Variants in THSD7B observed in about 807,000 individuals in gnomAD.
THSD7B encodes thrombospondin type-1 domain-containing protein 7B.
In THSD7B, 138 loss-of-function variants were observed where a neutral mutation model predicts 213.6. The observed-to-expected ratio is 0.65, with a 90% CI of 0.56 to 0.74. The LOEUF (loss-of-function observed/expected upper bound fraction) is 0.74, where lower values mean the gene tolerates loss of function less well. Ranked by LOEUF, THSD7B falls within the 30% of genes least tolerant of loss-of-function variation. The pLI, the probability that THSD7B is intolerant of heterozygous loss-of-function variation, is 0.00. For synonymous variants in THSD7B, 742 were observed against 687.0 expected (o/e 1.08, Z -1.25); for missense variants, 1,931 against 1,991.5 (o/e 0.97, Z 0.58).
intron 12 of THSD7B, among the ~76,000 whole-genome samples, chr2:137,300,748 G>T (rs1448459533): frequency 6.6e-6 from 1 of 152,136 alleles, no homozygotes; most frequent in Non-Finnish European, 1.5e-5. Context: ...ATTTATACTT[G>T]TGCTCATGAA....
chr2:136,993,976 AGT>A (rs1398537499), intron 2 of THSD7B, among the ~76,000 whole-genome samples: 2 of 152,176 alleles, frequency 1.3e-5, no homozygotes, highest in African/African-American at 2.4e-5. Context: ...CAATGAGCTA[AGT>A]GTATTTTCTG....
At position 137,236,573 on chromosome 2, in the gene THSD7B, C is replaced by A. The variant is rs141606229; in HGVS notation, c.2150+3440C>A. Among the ~76,000 whole-genome samples, 35 of 152,226 alleles carry A rather than the reference C, an allele frequency of 2.3e-4. No homozygotes were observed. The East Asian group carries it at 6.2e-3, about 27-fold the overall frequency. ...AAGATTGAAAACACATAACTCAAAG[C>A]CTTTCAAAGTTCCTGATAAGGTACT... On this transcript the variant is annotated intron_variant, in intron 9 of 27. Transcript: ENST00000409968.
At position 136,985,169 on chromosome 2, in the gene THSD7B, A is replaced by G. The variant is rs373670128; in HGVS notation, c.140-71251A>G. ...GGGCCTGTGGTAGGGAAGGAATCCA[A>G]GCAGCCTATGGAGCAACTACTTGCT... On this transcript the variant is annotated intron_variant, in intron 2 of 27. Coordinates refer to ENST00000409968, the MANE Select transcript of THSD7B (RefSeq NM_001316349.2). Among the ~76,000 whole-genome samples, 17 of 152,314 alleles carry G rather than the reference A, an allele frequency of 1.1e-4. 1 individual carries two copies. In the East Asian group the frequency reaches 3.1e-3, roughly 28 times the overall value.
chr2:136,905,251 C>A (rs1684139582), intron 2 of THSD7B, among the ~76,000 whole-genome samples: 1 of 152,152 alleles, frequency 6.6e-6, no homozygotes, highest in South Asian at 2.1e-4. Flanking sequence ...AGTTGGCTGT[C>A]AGGCATTTAT....
intron 20 of THSD7B, among the ~76,000 whole-genome samples, chr2:137,639,893 G>T (rs1057230135): frequency 6.6e-6 from 1 of 152,166 alleles, no homozygotes; most frequent in African/African-American, 2.4e-5. Context: ...GAAGTAACTA[G>T]CTTGCTTTTG....
chr2:137,645,827 C>T (rs1683019828), intron 21 of THSD7B, among the ~76,000 whole-genome samples: 1 of 152,092 alleles, frequency 6.6e-6, no homozygotes, highest in African/African-American at 2.4e-5. Flanking sequence ...AAAACATACA[C>T]CTAGACAATT....
intron 12 of THSD7B, among the ~76,000 whole-genome samples, chr2:137,320,357 C>G (rs1347264900): frequency 1.3e-5 from 2 of 152,150 alleles, no homozygotes; most frequent in African/African-American, 4.8e-5. Flanking sequence ...TCATACTTAT[C>G]CAGAAAAACA....
intron 2 of THSD7B, among the ~76,000 whole-genome samples, chr2:136,981,816 G>A (rs1008336678): frequency 1.3e-5 from 2 of 152,134 alleles, no homozygotes; most frequent in East Asian, 1.9e-4. Flanking sequence ...GCAGCATCTC[G>A]TAGTCTTTGG....
intron 12 of THSD7B, among the ~76,000 whole-genome samples, chr2:137,355,830 C>T (rs1573979598): frequency 6.6e-6 from 1 of 152,302 alleles, no homozygotes; most frequent in East Asian, 1.9e-4. Flanking sequence ...CAGAAGCCAA[C>T]TGTAGAGTGT....
At chr2:136,852,959 T>C (rs1010795767) in intron 1 of THSD7B, among the ~76,000 whole-genome samples, 1 of 152,168 alleles carries the variant, frequency 6.6e-6, no homozygotes, top group African/African-American at 2.4e-5. Flanking sequence ...TACTTCTGCC[T>C]TCCTATCACT....
chr2:137,382,365 G>A (rs911897740), intron 12 of THSD7B, among the ~76,000 whole-genome samples: 2 of 152,216 alleles, frequency 1.3e-5, no homozygotes, highest in Admixed American at 6.5e-5. Context: ...TATTCAGTAG[G>A]CAGAAGCCCT....
chr2:137,527,529 T>C (rs139358047), intron 15 of THSD7B, among the ~76,000 whole-genome samples: 1 of 152,222 alleles, frequency 6.6e-6, no homozygotes, highest in Non-Finnish European at 1.5e-5. Flanking sequence ...CTAGCATTGC[T>C]CCCTCCATTT....
At chr2:137,666,081 A>ATAGT (rs1020851337) in intron 26 of THSD7B, among the ~76,000 whole-genome samples, 1 of 152,096 alleles carries the variant, frequency 6.6e-6, no homozygotes, top group Non-Finnish European at 1.5e-5. Flanking sequence ...ATCTTTTTTA[A>ATAGT]TAGTTAGAAG....
At chr2:137,181,733 G>T (rs34279589) in intron 7 of THSD7B, among the ~76,000 whole-genome samples, 1 of 151,972 alleles carries the variant, frequency 6.6e-6, no homozygotes, top group Non-Finnish European at 1.5e-5. Context: ...TAGCATCTCT[G>T]GCACTCCCCC....
chr2:136,816,406 G>A (rs1312415048), intron 1 of THSD7B, among the ~76,000 whole-genome samples: 1 of 152,132 alleles, frequency 6.6e-6, no homozygotes, highest in Non-Finnish European at 1.5e-5. Context: ...CCTGCTTTAA[G>A]AGTATATTGT....
chr2:136,991,301 G>A (rs1417418919), intron 2 of THSD7B, among the ~76,000 whole-genome samples: 1 of 152,052 alleles, frequency 6.6e-6, no homozygotes, highest in Non-Finnish European at 1.5e-5. Flanking sequence ...CTATTGTGGA[G>A]GGAGGTAAAA....
intron 3 of THSD7B, among the ~76,000 whole-genome samples, chr2:137,084,573 C>T (rs1422246759): frequency 6.6e-6 from 1 of 152,166 alleles, no homozygotes; most frequent in Admixed American, 6.5e-5. Flanking sequence ...TGACCAATGA[C>T]TTGTAGGCAG....
At chr2:137,134,560 C>G (rs1429977040) in intron 5 of THSD7B, among the ~76,000 whole-genome samples, 1 of 152,140 alleles carries the variant, frequency 6.6e-6, no homozygotes, top group East Asian at 1.9e-4. Flanking sequence ...GGGGCACTGT[C>G]AAACCCACTC....
At chr2:136,891,544 A>G (rs1016769899) in intron 2 of THSD7B, among the ~76,000 whole-genome samples, 2 of 152,216 alleles carry the variant, frequency 1.3e-5, no homozygotes, top group African/African-American at 4.8e-5. Context: ...GTTTAAAAAG[A>G]TAGAAGCTCA....
Sources: gnomAD v4.1 joint callset for allele counts (sites outside exome capture counted in the v4.1 genomes callset) on GRCh38, gnomAD v4.1.1 for gene constraint, MANE v1.5 for transcripts, NCBI Gene and HGNC (gene_info 2026-07-23, HGNC 2026-07-21) for gene names.